The following RYR3 variants were observed in gnomAD, a reference collection of about 807,000 sequenced individuals.
RYR3 encodes the protein ryanodine receptor 3, also known as brain ryanodine receptor-calcium release channel.
A neutral mutation model predicts 584.3 loss-of-function variants in RYR3; 207 were observed. The ratio of observed to expected loss-of-function variants is 0.35; its 90% CI spans 0.32 to 0.40. The LOEUF (loss-of-function observed/expected upper bound fraction) is 0.40, where lower values mean the gene tolerates loss of function less well. RYR3 is among the 10% of genes least tolerant of loss of function. The pLI is 1.00. For missense variants in RYR3, 5,616 were observed against 6,089.2 expected (o/e 0.92, Z 2.59); for synonymous variants, 2,416 against 2,248.5 (o/e 1.07, Z -2.11).
chr15:33,643,732 C>CT (rs1490408140), intron 27 of RYR3, among the ~76,000 whole-genome samples: 1 of 152,096 alleles, frequency 6.6e-6, no homozygotes, highest in Admixed American at 6.5e-5. Context: ...CCAAGTCATC[C>CT]TTTTTTTATT....
chr15:33,342,928 T>C (rs1372066019), intron 1 of RYR3, among the ~76,000 whole-genome samples: 1 of 152,168 alleles, frequency 6.6e-6, no homozygotes, highest in Non-Finnish European at 1.5e-5. Context: ...CTAGATACCA[T>C]GGGGGTCTAC....
intron 1 of RYR3, among the ~76,000 whole-genome samples, chr15:33,411,091 C>T (rs1232854996): frequency 6.6e-6 from 1 of 152,130 alleles, no homozygotes; most frequent in African/African-American, 2.4e-5. Context: ...GGTGGGGACA[C>T]AGACCAACCC....
intron 18 of RYR3, among the ~76,000 whole-genome samples, chr15:33,610,429 A>T (rs2060123342): frequency 6.6e-6 from 1 of 152,162 alleles, no homozygotes; most frequent in Non-Finnish European, 1.5e-5. Flanking sequence ...GGGCTTCTTA[A>T]GAGCACGAGT....
intron 3 of RYR3, among the ~76,000 whole-genome samples, chr15:33,509,135 A>G (rs1209456458): frequency 6.6e-6 from 1 of 152,226 alleles, no homozygotes; most frequent in East Asian, 1.9e-4. Context: ...ATTAAAAAAG[A>G]ATTGGCTAAC....
At chr15:33,355,519 T>C (rs1973854344) in intron 1 of RYR3, among the ~76,000 whole-genome samples, 1 of 152,192 alleles carries the variant, frequency 6.6e-6, no homozygotes. Flanking sequence ...ACATCGCTAA[T>C]AAGCATCAGA....
chr15:33,660,538 T>G, intron 34 of RYR3, 115 bp downstream of exon 34: 1 of 650,640 alleles, frequency 1.5e-6, no homozygotes, highest in Non-Finnish European at 2.6e-6. Flanking sequence ...AGTCCCAGTA[T>G]GACTTGATTT....
chr15:33,658,321 G>A (rs532870546), intron 32 of RYR3, among the ~76,000 whole-genome samples: 38 of 152,140 alleles, frequency 2.5e-4, no homozygotes, highest in Non-Finnish European at 4.6e-4. Context: ...CCCGCCTTCC[G>A]CCCCCAAGAA....
At chr15:33,670,627 A>G (rs2063788470) in intron 38 of RYR3, 71 bp downstream of exon 38, 4 of 1,414,502 alleles carry the variant, frequency 2.8e-6, no homozygotes, top group South Asian at 1.4e-5. Flanking sequence ...TTTTAAACAA[A>G]TACTGTAAGA....
chr15:33,436,272 T>A (rs2045719754), intron 1 of RYR3, among the ~76,000 whole-genome samples: 1 of 152,178 alleles, frequency 6.6e-6, no homozygotes, highest in South Asian at 2.1e-4. Flanking sequence ...TCACACTGTG[T>A]CTTTAATTTT....
chr15:33,617,524 T>A (rs1045441394), intron 19 of RYR3, among the ~76,000 whole-genome samples: 1 of 152,216 alleles, frequency 6.6e-6, no homozygotes. Context: ...CAAAGTGTTA[T>A]ACCTGTCTAG....
rs760443936 is a variant in RYR3 at position 33,636,464 on chromosome 15, C to A, written c.3470C>A (p.Ala1157Asp). Residue 1157 changes from alanine to aspartate, a missense_variant, in exon 27 of 104, where the codon GCT (alanine) becomes GAT (aspartate). Ala to Asp is a moderately radical substitution (Grantham distance 126). Transcript: ENST00000634891. ...GGATGTATGATTAACCTGGATGATG[C>A]TTCAATGATCTTCACACTGAATGGG... ...VVGCMINLDD[A>D]SMIFTLNGEL... The A allele has an allele frequency of 6.2e-7, 1 of 1,613,566 alleles. No individual in the cohort carries two copies. The highest frequency in any genetic ancestry group is 1.1e-5 in the South Asian group (1 of 91,060).
chr15:33,828,318 A>G (rs1164193584), intron 85 of RYR3, among the ~76,000 whole-genome samples: 1 of 152,196 alleles, frequency 6.6e-6, no homozygotes, highest in Non-Finnish European at 1.5e-5. Context: ...ATTTCCCTAC[A>G]GTGGCCTCCA....
At position 33,601,488 on chromosome 15, in the gene RYR3, T is replaced by C; in HGVS notation, c.1858T>C (p.Cys620Arg). The C allele has an allele frequency of 6.2e-7, 1 of 1,613,702 alleles. No homozygotes were observed. Among genetic ancestry groups the C allele is most frequent in the Non-Finnish European group, 8.5e-7 (1 of 1,179,786 alleles). The change falls in exon 17 of 104, where the codon TGT becomes CGT. Residue 620 changes from cysteine (C) to arginine (R), a missense_variant. This residue lies in a region of RYR3 where 1,284 missense variants were observed against 1,344.6 expected (regional missense o/e 0.95). Transcript: ENST00000634891. Reference sequence around the variant, plus strand: ...AGTGAGAGCCAACCAGAATCTGATCTGTGACAACTTGCTGCCCCGGAGAAA... The same window carrying C: ...AGTGAGAGCCAACCAGAATCTGATCCGTGACAACTTGCTGCCCCGGAGAAA... ...VAVRANQNLICDNLLPRRNLL... is the reference protein window; with the variant it reads ...VAVRANQNLIRDNLLPRRNLL...
intron 18 of RYR3, among the ~76,000 whole-genome samples, chr15:33,609,511 C>A (rs1319945151): frequency 1.3e-5 from 2 of 152,184 alleles, no homozygotes; most frequent in Non-Finnish European, 2.9e-5. Flanking sequence ...CAAAAATTAT[C>A]TGGGCAGTGG....
intron 1 of RYR3, among the ~76,000 whole-genome samples, chr15:33,402,850 G>A (rs561897007): frequency 1.3e-5 from 2 of 152,278 alleles, no homozygotes; most frequent in Non-Finnish European, 2.9e-5. Context: ...TGCCTTATGG[G>A]GCCAGGACTA....
At chr15:33,719,581 G>A (rs2152804591) in intron 43 of RYR3, among the ~76,000 whole-genome samples, 1 of 152,202 alleles carries the variant, frequency 6.6e-6, no homozygotes, top group East Asian at 1.9e-4. Context: ...TATTATTCTT[G>A]TAGTGAGAAA....
chr15:33,860,832 C>G (rs1178968354), intron 101 of RYR3, among the ~76,000 whole-genome samples, 173 bp downstream of exon 101: 6 of 152,192 alleles, frequency 3.9e-5, no homozygotes, highest in Non-Finnish European at 4.4e-5. Context: ...GCCGGCCACT[C>G]TGCTGCCTCC....
chr15:33,677,074 C>T (rs930253535), intron 38 of RYR3, among the ~76,000 whole-genome samples: 35 of 152,168 alleles, frequency 2.3e-4, no homozygotes, highest in African/African-American at 8.2e-4. Context: ...CCATTTTATG[C>T]ACTAGGCAAC....
At chr15:33,755,711 C>G (rs551276974) in intron 58 of RYR3, among the ~76,000 whole-genome samples, 1 of 152,228 alleles carries the variant, frequency 6.6e-6, no homozygotes, top group South Asian at 2.1e-4. Context: ...CCTATTTTAA[C>G]TTTCCTGTTG....
Sources: allele counts gnomAD v4.1 joint callset (sites outside exome capture counted in the v4.1 genomes callset), GRCh38; gene constraint gnomAD v4.1.1; regional missense constraint gnomAD v4.1.1; transcripts MANE v1.5; gene names NCBI Gene and HGNC (gene_info 2026-07-23, HGNC 2026-07-21).